LY75: variants seen among roughly 807,000 people sequenced by gnomAD.
LY75 encodes the protein lymphocyte antigen 75.
LY75 carries 185 observed loss-of-function variants against 231.7 expected under a neutral mutation model. That is an observed-to-expected ratio of 0.80 (90% CI 0.71 to 0.90). The LOEUF is 0.90. Ranked by LOEUF, LY75 falls within the 40% of genes least tolerant of loss-of-function variation. The probability of loss-of-function intolerance (pLI) is 0.00; values close to 1 mark genes in which losing one functional copy is unlikely to be tolerated. For missense variants in LY75, 1,947 were observed against 2,050.2 expected (o/e 0.95, Z 0.97); for synonymous variants, 668 against 689.0 (o/e 0.97, Z 0.48).
intron 17 of LY75, 140 bp from the exon 18 acceptor site, chr2:159,854,675 G>C (rs1684497745): frequency 8.4e-7 from 1 of 1,189,906 alleles, no homozygotes; most frequent in Admixed American, 2.7e-5. Flanking sequence ...TGACTACAAG[G>C]AACAAGAGAT....
intron 23 of LY75, among the ~76,000 whole-genome samples, chr2:159,846,856 C>T (rs1369443450): frequency 6.6e-6 from 1 of 152,076 alleles, no homozygotes; most frequent in African/African-American, 2.4e-5. Context: ...AGAACACTCC[C>T]ACTTGATGAA....
rs371844664 is a variant in LY75, at chr2:159,890,307, C to T, written c.708G>A (p.Thr236=). The change falls in exon 4 of 35, where the codon ACG becomes ACA. Residue 236 remains threonine, a synonymous_variant. Coordinates refer to ENST00000263636, the MANE Select transcript of LY75 (RefSeq NM_002349.4). ...FGSCYQFNTQ[T]ALSWKEAYVS... ...CATAAGCTTCTTTCCAAGAAAGAGC[C>T]GTCTGAGTATTAAATTGGTAGCAAC... The T allele has an allele frequency of 5.5e-5, 88 of 1,613,310 alleles. No homozygotes were observed. Among genetic ancestry groups the T allele is most frequent in the Non-Finnish European group, 6.4e-5 (76 of 1,179,664 alleles).
At chr2:159,863,804 G>A (rs1035855693) in intron 14 of LY75, among the ~76,000 whole-genome samples, 2 of 152,150 alleles carry the variant, frequency 1.3e-5, no homozygotes, top group Non-Finnish European at 2.9e-5. Context: ...CTCTTGGCCA[G>A]TGTGAATACT....
chr2:159,864,371 G>C (rs573741233), intron 14 of LY75, among the ~76,000 whole-genome samples: 1 of 151,894 alleles, frequency 6.6e-6, no homozygotes, highest in South Asian at 2.1e-4. Context: ...TCATAGTTTG[G>C]GGCCTACCAT....
intron 28 of LY75, among the ~76,000 whole-genome samples, chr2:159,826,227 C>G (rs1255419853): frequency 2.0e-5 from 3 of 152,184 alleles, no homozygotes; most frequent in Non-Finnish European, 4.4e-5. Flanking sequence ...AGCCCAAATT[C>G]TCCTTAAGCT....
chr2:159,842,608 T>C (rs6736494), intron 23 of LY75, among the ~76,000 whole-genome samples: 7,183 of 152,178 alleles, frequency 0.047, 519 homozygotes, highest in African/African-American at 0.16. Context: ...TTTAAAGAGA[T>C]AAACTATTAG....
At chr2:159,862,569 G>C (rs1396279675) in intron 14 of LY75, among the ~76,000 whole-genome samples, 1 of 151,736 alleles carries the variant, frequency 6.6e-6, no homozygotes, top group Non-Finnish European at 1.5e-5. Context: ...AAAATAAAAA[G>C]AAGACTTGTA....
At chr2:159,837,009 G>A (rs957331569) in intron 25 of LY75, among the ~76,000 whole-genome samples, 4 of 152,084 alleles carry the variant, frequency 2.6e-5, no homozygotes, top group Non-Finnish European at 4.4e-5. Context: ...ATTTAACTCT[G>A]GCTTTTCCAG....
Position 159,893,922 on chromosome 2 carries a change from AAGC to A in LY75, c.626_628del (p.Cys209del). 9 of 1,610,810 alleles carry A rather than the reference AAGC, an allele frequency of 5.6e-6. No individual in the cohort carries two copies. Among genetic ancestry groups the A allele is most frequent in the South Asian group, 4.4e-5 (4 of 90,498 alleles). ...TACCAGCCCATACATACCAGGCTTT[AAGC>A]AGATGCCCCACTTTCGGTCATATTC... On this transcript the variant is annotated inframe_deletion, in exon 3 of 35. Coordinates refer to ENST00000263636, the MANE Select transcript of LY75 (RefSeq NM_002349.4).
intron 14 of LY75, 145 bp from the exon 15 acceptor site, chr2:159,861,034 C>T: frequency 1.3e-6 from 1 of 751,144 alleles, no homozygotes; most frequent in Non-Finnish European, 2.2e-6. Flanking sequence ...TATCATGATG[C>T]TAAATCATGA....
At chr2:159,877,023 AAAAAAAAAAAAGAAAAAAG>A (rs1018679031) in intron 11 of LY75, among the ~76,000 whole-genome samples, 3 of 149,006 alleles carry the variant, frequency 2.0e-5, no homozygotes, top group Non-Finnish European at 4.4e-5. Flanking sequence ...AAAAAAAAAA[AAAAAAAAAAAAGAAAAAAG>A]AAAAAGAAAA....
chr2:159,872,541 C>A lies in LY75; in HGVS notation c.2027G>T (p.Arg676Leu), dbSNP rs115433124. 2.5e-6 allele frequency: 4 copies of A among 1,613,920 alleles called. No homozygotes were observed. Among genetic ancestry groups the A allele is most frequent in the South Asian group, 1.1e-5 (1 of 91,076 alleles). ...GTGTGCTCCAAGGGCTTGGCAGAATCGTTCAGCTTCTTCCCAGTTCCTCTT... is the reference window on the plus strand; with the variant it reads ...GTGTGCTCCAAGGGCTTGGCAGAATAGTTCAGCTTCTTCCCAGTTCCTCTT... ...VRKRNWEEAE[R>L]FCQALGAHLS... is the part of the protein sequence containing the mutation. The change falls in exon 13 of 35, where the codon CGA becomes CTA. Residue 676 changes from arginine (R) to leucine (L), a missense_variant. Transcript: ENST00000263636.
At chr2:159,882,375 A>T (rs576692725) in intron 6 of LY75, 60 bp from the exon 7 acceptor site, 2 of 1,549,570 alleles carry the variant, frequency 1.3e-6, no homozygotes, top group South Asian at 2.5e-5. Context: ...AATCAATAAC[A>T]TTGCAAATTC....
At chr2:159,858,322 T>A in intron 16 of LY75, 40 bp downstream of exon 16, 1 of 1,600,800 alleles carries the variant, frequency 6.2e-7, no homozygotes, top group Non-Finnish European at 8.5e-7. Flanking sequence ...TTCACAATGT[T>A]AACATGAGAA....
intron 1 of LY75, chr2:159,902,231 T>TAC (rs1686103522): frequency 6.6e-6 from 1 of 152,188 alleles, no homozygotes; most frequent in South Asian, 2.1e-4. Context: ...TACCTCCAAG[T>TAC]ACAATATTGG....
chr2:159,819,199 G>C (rs571420466), intron 29 of LY75, among the ~76,000 whole-genome samples: 1 of 152,288 alleles, frequency 6.6e-6, no homozygotes, highest in Admixed American at 6.5e-5. Flanking sequence ...TTAGGGCACA[G>C]TGGTAATAAT....
rs1682727969 is a variant in LY75 at position 159,804,046 on chromosome 2, T to G, written c.*998A>C. On this transcript the variant is annotated 3_prime_UTR_variant, in exon 35 of 35. Coordinates refer to ENST00000263636, the MANE Select transcript of LY75 (RefSeq NM_002349.4). ...ACTGCTACAAGGTACCTACTCAATCTAAAAATAATGTTCCCACACTTGGGA... is the reference window on the plus strand; with the variant it reads ...ACTGCTACAAGGTACCTACTCAATCGAAAAATAATGTTCCCACACTTGGGA... The G allele has an allele frequency of 1.3e-5, 2 of 152,198 alleles. 1 individual carries two copies. The highest frequency in any genetic ancestry group is 4.1e-4 in the South Asian group (2 of 4,830). The allele number at this position is 152,198 out of a possible 1,614,324, so 9.4% of individuals were successfully genotyped here. A position where few individuals can be genotyped will look rare whatever the true frequency, so the allele number is the denominator to read the frequency against.
intron 3 of LY75, among the ~76,000 whole-genome samples, chr2:159,893,051 C>G (rs900255523): frequency 6.6e-6 from 1 of 152,178 alleles, no homozygotes; most frequent in Non-Finnish European, 1.5e-5. Flanking sequence ...GGACTAAGCT[C>G]CTGATCTAGG....
intron 10 of LY75, 63 bp from the exon 11 acceptor site, chr2:159,878,556 C>A: frequency 6.2e-7 from 1 of 1,611,864 alleles, no homozygotes; most frequent in South Asian, 1.1e-5. Flanking sequence ...GAAGATGCAC[C>A]TTTTACTTAG....
Sources: gnomAD v4.1 joint callset for allele counts (sites outside exome capture counted in the v4.1 genomes callset) on GRCh38, gnomAD v4.1.1 for gene constraint, MANE v1.5 for transcripts, NCBI Gene and HGNC (gene_info 2026-07-23, HGNC 2026-07-21) for gene names.